Variants in DOCK2 observed in about 807,000 individuals in gnomAD.
DOCK2 encodes the protein dedicator of cytokinesis protein 2.
A neutral mutation model predicts 248.9 loss-of-function variants in DOCK2; 87 were observed. The ratio of observed to expected loss-of-function variants is 0.35; its 90% confidence interval spans 0.29 to 0.42. DOCK2 has a LOEUF of 0.42. Among genes scored for constraint, DOCK2 ranks in the 10% least tolerant of loss-of-function variants. The probability of loss-of-function intolerance (pLI) is 1.00; values close to 1 mark genes in which losing one functional copy is unlikely to be tolerated. For synonymous variants in DOCK2, 805 were observed against 821.6 expected (o/e 0.98, Z 0.35); for missense variants, 1,747 against 2,300.2 (o/e 0.76, Z 4.92).
intron 26 of DOCK2, among the ~76,000 whole-genome samples, chr5:169,804,542 A>G (rs1228903416): frequency 1.3e-5 from 2 of 151,384 alleles, no homozygotes; most frequent in Middle Eastern, 3.4e-3. Context: ...AAGGAGGTGA[A>G]GCTTCAGCTA....
intron 27 of DOCK2, chr5:169,864,367 G>A (rs1229760920): frequency 6.4e-7 from 1 of 1,551,304 alleles, no homozygotes; most frequent in Non-Finnish European, 8.7e-7. Context: ...GGACTTTGGT[G>A]GGGGCGATGC....
chr5:170,009,786 G>A lies in DOCK2; in HGVS notation c.3232+1040G>A, dbSNP rs1349034644. On this transcript the variant is annotated intron_variant, in intron 32 of 51. Transcript: ENST00000520908. ...TTCCAGCGAGTTCTATCCACTGTGG[G>A]GGAAGCATAGAGCAGTGGATAGATG... 3.3e-5 allele frequency among the ~76,000 whole-genome samples: 5 copies of A among 152,174 alleles called. 1 individual carries two copies. Among genetic ancestry groups the A allele is most frequent in the Admixed American group, 3.3e-4 (5 of 15,284 alleles).
At chr5:169,704,789 G>GTGTGTGTGTGTGTA (rs1554091075) in intron 14 of DOCK2, among the ~76,000 whole-genome samples, 1 of 148,048 alleles carries the variant, frequency 6.8e-6, no homozygotes, top group Non-Finnish European at 1.5e-5. Context: ...GTGTGTGTGT[G>GTGTGTGTGTGTGTA]TGTGTGTGTG....
chr5:170,054,250 G>T (rs1186723019), intron 41 of DOCK2, among the ~76,000 whole-genome samples: 3 of 152,188 alleles, frequency 2.0e-5, no homozygotes, highest in Admixed American at 6.5e-5. Context: ...GTCAGGCCCA[G>T]GAAAAGATTT....
intron 25 of DOCK2, among the ~76,000 whole-genome samples, chr5:169,776,473 A>G (rs1765391415): frequency 6.6e-6 from 1 of 152,058 alleles, no homozygotes; most frequent in South Asian, 2.1e-4. Context: ...CCTGTATCAT[A>G]TATTTTATAT....
rs544275214 is a variant in DOCK2 at position 169,926,447 on chromosome 5, G to A, written c.2800-56621G>A. 1.7e-4 allele frequency among the ~76,000 whole-genome samples: 26 copies of A among 152,136 alleles called. No individual in the cohort carries two copies. The Middle Eastern group carries it at 0.027, about 159-fold the overall frequency. On this transcript the variant is annotated intron_variant, in intron 27 of 51. Transcript: ENST00000520908. ...CCTTTTCCCTGATCACATGAGCCTC[G>A]GATTATGGTCTGCATTGATCTTCTG...
intron 27 of DOCK2, among the ~76,000 whole-genome samples, chr5:169,852,570 A>G (rs780109599): frequency 2.0e-5 from 3 of 152,210 alleles, no homozygotes; most frequent in Non-Finnish European, 4.4e-5. Flanking sequence ...CTTCTCTGTA[A>G]AGTGGGGCTA....
At chr5:169,747,154 T>TA (rs985368488) in intron 22 of DOCK2, among the ~76,000 whole-genome samples, 19 of 152,178 alleles carry the variant, frequency 1.2e-4, no homozygotes, top group African/African-American at 4.6e-4. Context: ...CCTTGGGGTT[T>TA]AAAAAAATAC....
At chr5:169,808,655 C>G (rs899246908) in intron 26 of DOCK2, among the ~76,000 whole-genome samples, 1 of 152,266 alleles carries the variant, frequency 6.6e-6, no homozygotes, top group South Asian at 2.1e-4. Flanking sequence ...CACACTGCTT[C>G]GTTCTGTGCT....
intron 44 of DOCK2, 56 bp from the exon 45 acceptor site, chr5:170,067,454 G>C (rs1277728371): frequency 1.3e-6 from 2 of 1,557,784 alleles, no homozygotes; most frequent in East Asian, 2.3e-5. Context: ...AATAATATCT[G>C]TTTTTAAAGT....
chr5:169,926,677 G>C (rs956514518), intron 27 of DOCK2, among the ~76,000 whole-genome samples: 1 of 152,198 alleles, frequency 6.6e-6, no homozygotes, highest in African/African-American at 2.4e-5. Context: ...TAGGACTAGA[G>C]GGGGCCTCAA....
chr5:169,768,273 A>T (rs888559782), intron 25 of DOCK2, among the ~76,000 whole-genome samples: 1 of 152,242 alleles, frequency 6.6e-6, no homozygotes. Context: ...GCACACGCAC[A>T]TGCAATATTT....
Position 170,050,341 on chromosome 5 carries a change from A to G in DOCK2, c.4157A>G (p.Glu1386Gly), listed in dbSNP as rs1172738016. The change falls in exon 41 of 52, where the codon GAG (glutamate) becomes GGG (glycine). Residue 1386 changes from glutamate (E) to glycine (G), a missense_variant. Glu to Gly is a moderately conservative substitution (Grantham distance 98, BLOSUM62 -2). Transcript: ENST00000520908. Reference protein sequence around the residue: ...MQLMTQFPNAEKMNTTSAPGD... With the variant: ...MQLMTQFPNAGKMNTTSAPGD... ...CTGATGACCCAGTTCCCCAATGCAGAGAAGATGAACACCACCTCTGCCCCG... is the reference window on the plus strand; with the variant it reads ...CTGATGACCCAGTTCCCCAATGCAGGGAAGATGAACACCACCTCTGCCCCG... The G allele has an allele frequency of 3.1e-6, 5 of 1,614,180 alleles. No homozygotes were observed. Among genetic ancestry groups the G allele is most frequent in the Non-Finnish European group, 4.2e-6 (5 of 1,180,014 alleles).
chr5:169,998,479 G>C (rs1265005804), intron 30 of DOCK2, among the ~76,000 whole-genome samples: 1 of 152,240 alleles, frequency 6.6e-6, no homozygotes, highest in East Asian at 1.9e-4. Context: ...AAAATGCGTA[G>C]CTGCCATTTT....
intron 26 of DOCK2, among the ~76,000 whole-genome samples, chr5:169,830,332 C>T (rs1424479709): frequency 6.6e-6 from 1 of 152,176 alleles, no homozygotes; most frequent in Admixed American, 6.5e-5. Flanking sequence ...TGATAATAAT[C>T]ATTAGAATGA....
At position 169,882,656 on chromosome 5, in the gene DOCK2, G is replaced by T. The variant is rs768204506; in HGVS notation, c.2799+41804G>T. ...AGAGATTCCTCCACAGATTGCAGTCGGCCTTGGAGGTCGCAGAGTTCACCC... is the reference window on the plus strand; with the variant it reads ...AGAGATTCCTCCACAGATTGCAGTCTGCCTTGGAGGTCGCAGAGTTCACCC... On this transcript the variant is annotated intron_variant, in intron 27 of 51. Transcript: ENST00000520908. 7 of 1,551,984 alleles carry T rather than the reference G, an allele frequency of 4.5e-6. No individual in the cohort carries two copies. In the South Asian group the frequency reaches 8.3e-5, roughly 18 times the overall value.
intron 1 of DOCK2, among the ~76,000 whole-genome samples, chr5:169,641,692 G>C (rs1021375350): frequency 2.6e-5 from 4 of 152,144 alleles, no homozygotes; most frequent in African/African-American, 9.7e-5. Context: ...TGGCTTCTCA[G>C]CTTCTCTGAG....
At chr5:169,923,267 G>A (rs1171583304) in intron 27 of DOCK2, among the ~76,000 whole-genome samples, 3 of 152,068 alleles carry the variant, frequency 2.0e-5, no homozygotes, top group Non-Finnish European at 4.4e-5. Context: ...ATGTCTGGGT[G>A]GTAAGCTTAT....
intron 27 of DOCK2, among the ~76,000 whole-genome samples, chr5:169,928,050 G>A (rs1775560717): frequency 6.6e-6 from 1 of 152,216 alleles, no homozygotes; most frequent in Non-Finnish European, 1.5e-5. Flanking sequence ...AGGTGGTAGA[G>A]AGGGTACAAA....
Sources: gnomAD v4.1 joint callset for allele counts (sites outside exome capture counted in the v4.1 genomes callset) on GRCh38, gnomAD v4.1.1 for gene constraint, MANE v1.5 for transcripts, NCBI Gene and HGNC (gene_info 2026-07-23, HGNC 2026-07-21) for gene names.